SPTLC2: variants seen among roughly 807,000 people sequenced by gnomAD.
SPTLC2 encodes the protein serine palmitoyltransferase 2.
Under a neutral mutation model 62.0 loss-of-function variants are expected in SPTLC2, and 21 were observed. The observed-to-expected ratio is 0.34, with a 90% confidence interval of 0.24 to 0.49. The LOEUF is 0.49. Among genes scored for constraint, SPTLC2 ranks in the 20% least tolerant of loss-of-function variants. The pLI, the probability that SPTLC2 is intolerant of heterozygous loss-of-function variation, is 0.99. For synonymous variants in SPTLC2, 261 were observed against 261.8 expected, an observed-to-expected ratio of 1.00 and a Z score of 0.03; for missense variants, 511 against 713.0, an observed-to-expected ratio of 0.72 and a Z score of 3.23.
At chr14:77,563,678 A>C (rs1233156001) in intron 5 of SPTLC2, among the ~76,000 whole-genome samples, 1 of 152,108 alleles carries the variant, frequency 6.6e-6, no homozygotes, top group African/African-American at 2.4e-5. Context: ...CACCCGCCTC[A>C]GCGTCCCGAA....
intron 9 of SPTLC2, among the ~76,000 whole-genome samples, chr14:77,531,505 TCC>T (rs1491251005): frequency 2.7e-3 from 220 of 81,564 alleles, no homozygotes; most frequent in South Asian, 0.021. Flanking sequence ...CTCCTCCTCC[TCC>T]TCTTCTTCTT....
intron 9 of SPTLC2, among the ~76,000 whole-genome samples, chr14:77,529,620 C>CTTTTTTTTTTTTTTTTT (rs71452856): frequency 5.3e-5 from 4 of 76,050 alleles, no homozygotes; most frequent in Non-Finnish European, 1.1e-4. Context: ...TTCTTTCTTT[C>CTTTTTTTTTTTTTTTTT]TTTTTTTTTT....
intron 2 of SPTLC2, 68 bp downstream of exon 2, chr14:77,597,118 T>C (rs2079851557): frequency 6.6e-7 from 1 of 1,518,598 alleles, no homozygotes; most frequent in East Asian, 2.3e-5. Context: ...AAAAAGCTTT[T>C]GTGCAAAAAT....
intron 5 of SPTLC2, among the ~76,000 whole-genome samples, chr14:77,567,992 C>G (rs1285031948): frequency 6.6e-6 from 1 of 152,030 alleles, no homozygotes; most frequent in Non-Finnish European, 1.5e-5. Flanking sequence ...CACCCCTAAG[C>G]ATTTTCTTTG....
At chr14:77,584,722 T>C (rs2079771582) in intron 2 of SPTLC2, among the ~76,000 whole-genome samples, 1 of 152,190 alleles carries the variant, frequency 6.6e-6, no homozygotes, top group African/African-American at 2.4e-5. Context: ...CACTGTGCTA[T>C]TGTCCTTCCC....
chr14:77,587,789 T>TAATAATAATAAC (rs1555377192), intron 2 of SPTLC2, among the ~76,000 whole-genome samples: 1 of 149,936 alleles, frequency 6.7e-6, no homozygotes, highest in East Asian at 1.9e-4. Flanking sequence ...ATAATAATAA[T>TAATAATAATAAC]AACTAATGCT....
At chr14:77,525,517 G>C (rs926512002) in intron 9 of SPTLC2, among the ~76,000 whole-genome samples, 3 of 151,924 alleles carry the variant, frequency 2.0e-5, no homozygotes, top group African/African-American at 4.8e-5. Context: ...TTGAACCTGG[G>C]AGGTAGAGGT....
At position 77,517,200 on chromosome 14, in the gene SPTLC2, G is replaced by A. The variant is rs192746422; in HGVS notation, c.1569+838C>T. On this transcript the variant is annotated intron_variant, in intron 11 of 11. Coordinates refer to ENST00000216484, the MANE Select transcript of SPTLC2 (RefSeq NM_004863.4). Reference sequence around the variant, plus strand: ...AGAGGATGTGGTGAGCTGAGATCACGCCATTGCACTCCAGCCTGGGCAACA... The same window carrying A: ...AGAGGATGTGGTGAGCTGAGATCACACCATTGCACTCCAGCCTGGGCAACA... Among the ~76,000 whole-genome samples the A allele has an allele frequency of 7.1e-4, 108 of 152,130 alleles. 1 individual carries two copies. Among genetic ancestry groups the A allele is most frequent in the East Asian group, 6.9e-3 (36 of 5,180 alleles).
At chr14:77,561,385 G>C (rs910356050) in intron 6 of SPTLC2, among the ~76,000 whole-genome samples, 14 of 152,250 alleles carry the variant, frequency 9.2e-5, no homozygotes, top group African/African-American at 3.1e-4. Context: ...CAAGGCGGGA[G>C]GATCAACTGA....
chr14:77,537,063 C>T (rs986927576), intron 9 of SPTLC2, among the ~76,000 whole-genome samples: 1 of 151,986 alleles, frequency 6.6e-6, no homozygotes, highest in Admixed American at 6.6e-5. Flanking sequence ...GCTGGGACTA[C>T]AGGCACCTGC....
intron 9 of SPTLC2, among the ~76,000 whole-genome samples, chr14:77,522,395 T>C (rs948551606): frequency 6.6e-6 from 1 of 152,132 alleles, no homozygotes; most frequent in Admixed American, 6.5e-5. Context: ...ACACCTAACC[T>C]CAAGTGATCT....
At chr14:77,593,589 T>C (rs967728508) in intron 2 of SPTLC2, among the ~76,000 whole-genome samples, 9 of 152,308 alleles carry the variant, frequency 5.9e-5, no homozygotes, top group Middle Eastern at 3.4e-3. Context: ...GTATATAAAA[T>C]AGAACAAACT....
chr14:77,562,258 G>T (rs951802959), intron 6 of SPTLC2, 138 bp downstream of exon 6: 12 of 754,136 alleles, frequency 1.6e-5, no homozygotes, highest in Non-Finnish European at 2.3e-5. Context: ...TAAAAGACTG[G>T]ACCGGAAGAA....
At chr14:77,528,406 T>G (rs1286861485) in intron 9 of SPTLC2, among the ~76,000 whole-genome samples, 1 of 152,092 alleles carries the variant, frequency 6.6e-6, no homozygotes, top group Non-Finnish European at 1.5e-5. Context: ...TAATTTCGTA[T>G]TTTTAGTAGA....
intron 9 of SPTLC2, among the ~76,000 whole-genome samples, chr14:77,543,113 G>A (rs1429660499): frequency 6.6e-6 from 1 of 152,168 alleles, no homozygotes; most frequent in East Asian, 1.9e-4. Context: ...GCAGTGGCAC[G>A]ATCTCAGCTC....
intron 2 of SPTLC2, among the ~76,000 whole-genome samples, chr14:77,585,565 T>A (rs2079776505): frequency 6.6e-6 from 1 of 152,184 alleles, no homozygotes; most frequent in Non-Finnish European, 1.5e-5. Flanking sequence ...GATAAAAAGC[T>A]TGGAAAACAT....
intron 11 of SPTLC2, among the ~76,000 whole-genome samples, chr14:77,513,598 CAA>C (rs1306727540): frequency 6.6e-6 from 1 of 152,030 alleles, no homozygotes; most frequent in African/African-American, 2.4e-5. Context: ...TAATTTAAGA[CAA>C]AAGTCAAAGC....
intron 9 of SPTLC2, among the ~76,000 whole-genome samples, chr14:77,535,094 A>G (rs972667223): frequency 1.3e-5 from 2 of 152,044 alleles, no homozygotes; most frequent in Non-Finnish European, 2.9e-5. Context: ...CACCTGGCTA[A>G]TCTTGTATTT....
chr14:77,602,298 G>C (rs60287878), intron 1 of SPTLC2, among the ~76,000 whole-genome samples: 24,364 of 152,008 alleles, frequency 0.16, 2,457 homozygotes, highest in East Asian at 0.43. Flanking sequence ...AACTCAACAA[G>C]TCTAAAGCTG....
Sources: allele counts gnomAD v4.1 joint callset (sites outside exome capture counted in the v4.1 genomes callset), GRCh38; gene constraint gnomAD v4.1.1; transcripts MANE v1.5; gene names NCBI Gene and HGNC (gene_info 2026-07-23, HGNC 2026-07-21).